Variants in STK39 observed in about 807,000 individuals in gnomAD.
STK39 encodes STE20/SPS1-related proline-alanine-rich protein kinase.
A neutral mutation model predicts 77.8 loss-of-function variants in STK39; 20 were observed. The ratio of observed to expected loss-of-function variants is 0.26; its 90% CI spans 0.18 to 0.37. The LOEUF (loss-of-function observed/expected upper bound fraction) is 0.37, where lower values mean the gene tolerates loss of function less well. Among genes scored for constraint, STK39 ranks in the 10% least tolerant of loss-of-function variants. STK39 has a pLI of 1.00. For synonymous variants in STK39, 246 were observed against 234.1 expected (o/e 1.05, Z -0.47); for missense variants, 479 against 656.5 (o/e 0.73, Z 2.95).
At chr2:168,240,340 A>T (rs137877820) in intron 1 of STK39, among the ~76,000 whole-genome samples, 2 of 152,340 alleles carry the variant, frequency 1.3e-5, no homozygotes, top group Non-Finnish European at 2.9e-5. Flanking sequence ...GTGATCAAGA[A>T]TTTTGGTATA....
At chr2:168,032,670 C>T (rs1373747172) in intron 14 of STK39, among the ~76,000 whole-genome samples, 2 of 152,176 alleles carry the variant, frequency 1.3e-5, no homozygotes, top group East Asian at 3.8e-4. Context: ...CTGCTATTTG[C>T]CTCTTCACAG....
intron 16 of STK39, among the ~76,000 whole-genome samples, chr2:167,989,491 T>A (rs1462307164): frequency 6.6e-6 from 1 of 152,142 alleles, no homozygotes; most frequent in African/African-American, 2.4e-5. Context: ...AAATCAAGAT[T>A]TTAAATAGTC....
At chr2:168,001,697 T>C (rs2105298244) in intron 16 of STK39, among the ~76,000 whole-genome samples, 1 of 152,312 alleles carries the variant, frequency 6.6e-6, no homozygotes, top group South Asian at 2.1e-4. Context: ...TTACCTGTTA[T>C]ATAAGAAATC....
In STK39 at chr2:168,065,454, C is replaced by T. The variant is rs1266618891; in HGVS notation, c.1243-73G>A. 6 of 1,457,266 alleles carry T rather than the reference C, an allele frequency of 4.1e-6. No individual in the cohort carries two copies. The African/African-American group carries it at 7.0e-5, about 17-fold the overall frequency. 90.3% of individuals were successfully genotyped at this position (1,457,266 alleles called of 1,614,324 possible). Reference sequence around the variant, plus strand: ...CACGGTGAGTGTGGTTACATTAAGTCCCAATTATCAGACCCAATAATTTCC... The same window carrying T: ...CACGGTGAGTGTGGTTACATTAAGTTCCAATTATCAGACCCAATAATTTCC... On this transcript the variant is annotated intron_variant, in intron 12 of 17. Transcript: ENST00000355999.
At chr2:168,096,463 C>T (rs1686669506) in intron 10 of STK39, among the ~76,000 whole-genome samples, 1 of 152,090 alleles carries the variant, frequency 6.6e-6, no homozygotes, top group Non-Finnish European at 1.5e-5. Context: ...CAGTCCAGTA[C>T]CCACAACTTA....
At chr2:168,215,492 C>T (rs1690003482) in intron 1 of STK39, among the ~76,000 whole-genome samples, 1 of 152,182 alleles carries the variant, frequency 6.6e-6, no homozygotes, top group African/African-American at 2.4e-5. Flanking sequence ...TCTCCTTGGA[C>T]CTTCTGACTC....
At chr2:168,016,860 G>A (rs763679236) in intron 15 of STK39, among the ~76,000 whole-genome samples, 183 bp downstream of exon 15, 2 of 152,176 alleles carry the variant, frequency 1.3e-5, no homozygotes, top group Non-Finnish European at 2.9e-5. Context: ...GATTCATGTA[G>A]TCAGCTGTGG....
At chr2:167,956,256 C>A (rs1691759140) in intron 17 of STK39, among the ~76,000 whole-genome samples, 1 of 152,156 alleles carries the variant, frequency 6.6e-6, no homozygotes, top group African/African-American at 2.4e-5. Context: ...TCAGACAGAA[C>A]TGGAAAAAAG....
intron 14 of STK39, among the ~76,000 whole-genome samples, chr2:168,038,731 C>A (rs113562850): frequency 3.3e-5 from 5 of 151,990 alleles, no homozygotes; most frequent in Non-Finnish European, 4.4e-5. Context: ...AGAAATAAGA[C>A]AATCCAGTAA....
chr2:168,023,612 A>T (rs966966808), intron 14 of STK39, among the ~76,000 whole-genome samples: 1 of 152,204 alleles, frequency 6.6e-6, no homozygotes, highest in Non-Finnish European at 1.5e-5. Flanking sequence ...CTTCAGCCTC[A>T]CATTACCGTC....
At chr2:168,121,337 A>C (rs754777252) in intron 10 of STK39, among the ~76,000 whole-genome samples, 1 of 152,230 alleles carries the variant, frequency 6.6e-6, no homozygotes, top group Non-Finnish European at 1.5e-5. Context: ...GGAAGCATAA[A>C]TGAAAGTGAT....
intron 13 of STK39, among the ~76,000 whole-genome samples, chr2:168,065,029 T>A (rs1237952246): frequency 6.6e-6 from 1 of 152,210 alleles, no homozygotes; most frequent in Admixed American, 6.5e-5. Context: ...AACCACAATG[T>A]TCTGTGGCTG....
At chr2:168,075,282 T>G (rs1163087355) in intron 10 of STK39, 51 bp from the exon 11 acceptor site, 2 of 1,607,636 alleles carry the variant, frequency 1.2e-6, no homozygotes, top group Non-Finnish European at 1.7e-6. Flanking sequence ...TGTGAACCAT[T>G]TCACTGGTGC....
At chr2:168,024,207 T>C (rs1270772337) in intron 14 of STK39, among the ~76,000 whole-genome samples, 1 of 152,200 alleles carries the variant, frequency 6.6e-6, no homozygotes, top group Non-Finnish European at 1.5e-5. Flanking sequence ...GGGCAGATAC[T>C]TCTGCTTCAC....
chr2:168,062,291 T>C (rs947979393), intron 14 of STK39, among the ~76,000 whole-genome samples: 4 of 152,126 alleles, frequency 2.6e-5, no homozygotes. Context: ...GCTGAATTAA[T>C]GAATAACTGA....
intron 14 of STK39, among the ~76,000 whole-genome samples, chr2:168,034,577 G>C (rs1240487117): frequency 6.6e-6 from 1 of 152,220 alleles, no homozygotes; most frequent in Non-Finnish European, 1.5e-5. Flanking sequence ...AGCACACATG[G>C]CACTGATGTT....
chr2:167,968,670 CAA>C (rs1239877840), intron 16 of STK39, among the ~76,000 whole-genome samples: 2 of 152,020 alleles, frequency 1.3e-5, no homozygotes, highest in Non-Finnish European at 2.9e-5. Flanking sequence ...TTGTTTTATC[CAA>C]AGAGACACCC....
At chr2:168,063,226 A>C (rs1685707444) in intron 14 of STK39, among the ~76,000 whole-genome samples, 1 of 152,222 alleles carries the variant, frequency 6.6e-6, no homozygotes, top group South Asian at 2.1e-4. Context: ...AAGAAAAAAA[A>C]ATCTAAGAAG....
intron 17 of STK39, among the ~76,000 whole-genome samples, chr2:167,964,062 C>T (rs1692077432): frequency 6.6e-6 from 1 of 152,172 alleles, no homozygotes; most frequent in African/African-American, 2.4e-5. Context: ...CCCAGAATGT[C>T]CGGCACTCTG....
Sources: gnomAD v4.1 joint callset for allele counts (sites outside exome capture counted in the v4.1 genomes callset) on GRCh38, gnomAD v4.1.1 for gene constraint, MANE v1.5 for transcripts, NCBI Gene and HGNC (gene_info 2026-07-23, HGNC 2026-07-21) for gene names.